Variants in SYTL4 observed in about 807,000 individuals in gnomAD.
SYTL4 encodes the protein synaptotagmin-like protein 4.
In SYTL4, 16 loss-of-function variants were observed where a neutral mutation model predicts 52.7. The observed-to-expected ratio is 0.30, with a 90% CI of 0.21 to 0.46. The LOEUF is 0.46. SYTL4 is among the 20% of genes least tolerant of loss of function. The pLI, the probability that SYTL4 is intolerant of heterozygous loss-of-function variation, is 1.00. For missense variants in SYTL4, 423 were observed against 519.9 expected, an observed-to-expected ratio of 0.81 and a Z score of 1.81; for synonymous variants, 160 against 186.6, an observed-to-expected ratio of 0.86 and a Z score of 1.16.
chrX:100,708,608 A>G (rs1312693640), intron 2 of SYTL4, among the ~76,000 whole-genome samples: 2 of 112,493 alleles, frequency 1.8e-5, no homozygotes, highest in Non-Finnish European at 3.8e-5. Flanking sequence ...CTAAAGACCA[A>G]TTTTAAAAAT....
chrX:100,724,298 C>T (rs1192036977), intron 2 of SYTL4, among the ~76,000 whole-genome samples: 109 of 104,646 alleles, frequency 1.0e-3, no homozygotes, highest in Non-Finnish European at 1.8e-3. Context: ...AGGTGAGGGG[C>T]GCCTCTGCCC....
intron 18 of SYTL4, among the ~76,000 whole-genome samples, chrX:100,679,036 G>C (rs111329415): frequency 2.2e-3 from 251 of 111,880 alleles, no homozygotes; most frequent in African/African-American, 7.6e-3. Flanking sequence ...CCCAAATCTA[G>C]ACAGTCAGAA....
intron 17 of SYTL4, among the ~76,000 whole-genome samples, chrX:100,680,485 C>T (rs1451486505): frequency 9.0e-6 from 1 of 110,737 alleles, no homozygotes; most frequent in Non-Finnish European, 1.9e-5. Context: ...CCTCTTCAGT[C>T]AGGCTCCCAC....
chrX:100,676,712 C>T (rs2083284770), intron 19 of SYTL4, among the ~76,000 whole-genome samples: 2 of 111,176 alleles, frequency 1.8e-5, no homozygotes, highest in African/African-American at 6.6e-5. Flanking sequence ...GTCTCGATCT[C>T]TTGACCTCGT....
At chrX:100,685,938 G>A (rs1050686383) in intron 16 of SYTL4, 52 bp downstream of exon 16, 152 of 1,120,924 alleles carry the variant, frequency 1.4e-4, no homozygotes, top group Non-Finnish European at 1.8e-4. Context: ...AGAGGCTACT[G>A]CAGACAATTC....
At chrX:100,703,726 A>G (rs1487742836) in intron 3 of SYTL4, among the ~76,000 whole-genome samples, 1 of 112,749 alleles carries the variant, frequency 8.9e-6, no homozygotes, top group Non-Finnish European at 1.9e-5. Context: ...TCATTAAACA[A>G]AATAATATGT....
intron 12 of SYTL4, 84 bp downstream of exon 12, chrX:100,689,772 T>C: frequency 5.5e-6 from 3 of 550,015 alleles, no homozygotes; most frequent in South Asian, 3.7e-5. Flanking sequence ...ATTAAATAGG[T>C]TGACTGAGAA....
At position 100,675,858 on chromosome X, in the gene SYTL4, CATA is replaced by C. The variant is rs2083265993; in HGVS notation, c.*167_*169del. The C allele has an allele frequency of 7.2e-6, 3 of 419,305 alleles. No homozygotes were observed. The highest frequency in any genetic ancestry group is 6.0e-5 in the South Asian group (1 of 16,575). The allele number at this position is 419,305 out of a possible 1,213,427, so 34.6% of individuals were successfully genotyped here. The stretch of plus-strand genomic sequence containing the variant: ...AACAAGTCTGCATCACTCTAGCCAG[CATA>C]ATGAGATTTGCAGAAAATACATGTT... On this transcript the variant is annotated 3_prime_UTR_variant, in exon 20 of 20. Coordinates refer to ENST00000372989, the MANE Select transcript of SYTL4 (RefSeq NM_001370165.1).
intron 2 of SYTL4, among the ~76,000 whole-genome samples, chrX:100,706,965 G>C (rs1423451186): frequency 1.8e-5 from 2 of 111,005 alleles, no homozygotes; most frequent in Non-Finnish European, 3.8e-5. Context: ...ATATACAAAG[G>C]AACAAAAGAG....
At chrX:100,687,316 C>T in intron 13 of SYTL4, 71 bp from the exon 14 acceptor site, 2 of 956,147 alleles carry the variant, frequency 2.1e-6, no homozygotes, top group Non-Finnish European at 3.0e-6. Context: ...CATCTTCCCT[C>T]ATGATAAAAC....
At chrX:100,681,769 TG>T (rs750448563) in intron 16 of SYTL4, among the ~76,000 whole-genome samples, 7 of 112,243 alleles carry the variant, frequency 6.2e-5, no homozygotes, top group Non-Finnish European at 1.3e-4. Context: ...TGTAGTGTCC[TG>T]GTATGGCATA....
At chrX:100,682,407 A>G (rs937986221) in intron 16 of SYTL4, among the ~76,000 whole-genome samples, 9 of 107,484 alleles carry the variant, frequency 8.4e-5, no homozygotes, top group African/African-American at 3.0e-4. Flanking sequence ...TTGCAGGGGA[A>G]AAAAAAAAAG....
intron 2 of SYTL4, among the ~76,000 whole-genome samples, chrX:100,726,165 A>C (rs1280515264): frequency 9.2e-6 from 1 of 108,441 alleles, no homozygotes; most frequent in African/African-American, 3.4e-5. Context: ...GAGTGCTGCC[A>C]GACAGAATGG....
intron 9 of SYTL4, 149 bp from the exon 10 acceptor site, chrX:100,690,787 A>C (rs1039705633): frequency 4.3e-6 from 2 of 459,937 alleles, no homozygotes; most frequent in Non-Finnish European, 7.3e-6. Context: ...ATTTACCTGG[A>C]AGGAATGCAG....
chrX:100,690,427 A>T (rs986307344), intron 10 of SYTL4, 136 bp downstream of exon 10: 1 of 314,939 alleles, frequency 3.2e-6, no homozygotes, highest in East Asian at 8.9e-5. Context: ...GCCTAAGAGA[A>T]TGGAGGGAGG....
intron 2 of SYTL4, among the ~76,000 whole-genome samples, chrX:100,715,221 C>T (rs1389910891): frequency 9.0e-6 from 1 of 111,151 alleles, no homozygotes; most frequent in Non-Finnish European, 1.9e-5. Context: ...TGGGGTTTCA[C>T]CATGTTGCCC....
At position 100,691,179 on chromosome X, in the gene SYTL4, A is replaced by G; in HGVS notation, c.570T>C (p.Ser190=). The G allele has an allele frequency of 8.3e-7, 1 of 1,208,595 alleles. No individual in the cohort carries two copies. Among genetic ancestry groups the G allele is most frequent in the East Asian group, 3.0e-5 (1 of 33,799 alleles). The part of the protein sequence containing the change: ...SVLFEVPKLK[S]GKSALEAESE... ...TCTCAGCTTCCAATGCACTCTTTCC[A>G]CTTTTCAGCTTTGGCACTTCAAATA... Residue 190 remains serine (S), a synonymous_variant, in exon 9 of 20, where the codon AGT becomes AGC. Coordinates refer to ENST00000372989, the MANE Select transcript of SYTL4 (RefSeq NM_001370165.1).
chrX:100,723,330 C>T (rs1405007588), intron 2 of SYTL4, among the ~76,000 whole-genome samples: 2 of 112,057 alleles, frequency 1.8e-5, no homozygotes, highest in Non-Finnish European at 3.8e-5. Context: ...CTGTGTTGGC[C>T]GGGCTGGTCT....
Position 100,675,314 on chromosome X carries a change from T to A in SYTL4, c.*714A>T, listed in dbSNP as rs2083258700. 8.9e-6 allele frequency: 1 copy of A among 112,449 alleles called. No individual in the cohort carries two copies. The highest frequency in any genetic ancestry group is 1.9e-5 in the Non-Finnish European group (1 of 53,290). 9.3% of individuals were successfully genotyped at this position (112,449 alleles called of 1,213,427 possible). On this transcript the variant is annotated 3_prime_UTR_variant, in exon 20 of 20. Coordinates refer to ENST00000372989, the MANE Select transcript of SYTL4 (RefSeq NM_001370165.1). ...CGTGATTTAGTCAAAATACATTATC[T>A]AATTAAAGTGCTTTTCAAAAGCAGC...
Sources: gnomAD v4.1 joint callset for allele counts (sites outside exome capture counted in the v4.1 genomes callset) on GRCh38, gnomAD v4.1.1 for gene constraint, MANE v1.5 for transcripts, NCBI Gene and HGNC (gene_info 2026-07-23, HGNC 2026-07-21) for gene names.